The following RAB11B variants were observed in gnomAD, a reference collection of about 807,000 sequenced individuals.
The protein encoded by RAB11B is RAB11B, member RAS oncogene family, also known as ras-related protein Rab-11B.
RAB11B carries 7 observed loss-of-function variants against 23.7 expected under a neutral mutation model. That is an observed-to-expected ratio of 0.29 (90% CI 0.17 to 0.55). RAB11B has a LOEUF of 0.55. RAB11B is among the 20% of genes least tolerant of loss of function. The probability of loss-of-function intolerance (pLI) is 0.93; values close to 1 mark genes in which losing one functional copy is unlikely to be tolerated. For missense variants in RAB11B, 189 were observed against 320.0 expected (o/e 0.59, Z 3.12); for synonymous variants, 138 against 132.0 (o/e 1.05, Z -0.31).
At chr19:8,399,377 C>G (rs1275322900) in intron 1 of RAB11B, among the ~76,000 whole-genome samples, 1 of 152,346 alleles carries the variant, frequency 6.6e-6, no homozygotes, top group South Asian at 2.1e-4. Context: ...CGGGAGCCAC[C>G]GTGCCTGGCC....
chr19:8,403,052 G>T, intron 4 of RAB11B: 1 of 337,698 alleles, frequency 3.0e-6, no homozygotes, highest in Non-Finnish European at 5.5e-6. Flanking sequence ...ACCAGGTCTA[G>T]CCCTTGCTGG....
chr19:8,390,375 T>G lies in RAB11B; in HGVS notation c.-42T>G. 1.3e-6 allele frequency: 2 copies of G among 1,515,386 alleles called. No homozygotes were observed. The highest frequency in any genetic ancestry group is 1.8e-6 in the Non-Finnish European group (2 of 1,134,756). 93.9% of individuals were successfully genotyped at this position (1,515,386 alleles called of 1,614,324 possible). ...CTCCGCCCCCGTCGGGTGTTTGTGG[T>G]GGGGCTGCGGAGTCGCCGATCCCGC... On this transcript the variant is annotated 5_prime_UTR_variant, in exon 1 of 5. Transcript: ENST00000328024.
In RAB11B at chr19:8,403,568, C is replaced by T; in HGVS notation, c.*10C>T. The T allele has an allele frequency of 6.2e-7, 1 of 1,608,066 alleles. No homozygotes were observed. Among genetic ancestry groups the T allele is most frequent in the South Asian group, 1.1e-5 (1 of 90,724 alleles). On this transcript the variant is annotated 3_prime_UTR_variant, in exon 5 of 5. Transcript: ENST00000328024. ...CTGCCAGAACCTGTGACCCCTGCGCCTCCACCCAGCGTGCGTGCACGTCCT... is the reference window on the plus strand; with the variant it reads ...CTGCCAGAACCTGTGACCCCTGCGCTTCCACCCAGCGTGCGTGCACGTCCT...
chr19:8,402,296 G>A lies in RAB11B; in HGVS notation c.430+17G>A, dbSNP rs1342244354. The stretch of plus-strand genomic sequence containing the variant: ...CCTTCGCAGGTGAGCAGACGGAGAC[G>A]CAGGCATCAGAGAGGTGTCTGGAAG... On this transcript the variant is annotated intron_variant, in intron 3 of 4. Transcript: ENST00000328024. 1.9e-5 allele frequency: 30 copies of A among 1,546,130 alleles called. No individual in the cohort carries two copies. Among genetic ancestry groups the A allele is most frequent in the South Asian group, 7.1e-5 (6 of 84,290 alleles).
chr19:8,398,959 A>AT (rs34434022), intron 1 of RAB11B, among the ~76,000 whole-genome samples: 27 of 138,790 alleles, frequency 1.9e-4, no homozygotes, highest in South Asian at 4.6e-4. Context: ...TATTATTATT[A>AT]TTTTTTTTTT....
intron 1 of RAB11B, among the ~76,000 whole-genome samples, chr19:8,395,066 G>A (rs1204719910): frequency 2.0e-5 from 3 of 152,348 alleles, no homozygotes; most frequent in East Asian, 1.9e-4. Flanking sequence ...TCCTGAGGAC[G>A]TGAGAACTGA....
Position 8,402,480 on chromosome 19 carries a change from TC to T in RAB11B, c.431-3del. On this transcript the variant is annotated splice_polypyrimidine_tract_variant and splice_region_variant and intron_variant, in intron 3 of 4. Transcript: ENST00000328024. ...CACTCACCTAGGCAGTATTCTTTGT[TC>T]CAGAAAAGAACAACTTGTCCTTCAT... 2 of 1,612,848 alleles carry T rather than the reference TC, an allele frequency of 1.2e-6. No individual in the cohort carries two copies. Among genetic ancestry groups the T allele is most frequent in the Non-Finnish European group, 1.7e-6 (2 of 1,178,892 alleles).
intron 4 of RAB11B, chr19:8,402,912 C>T: frequency 2.2e-6 from 1 of 463,256 alleles, no homozygotes; most frequent in Non-Finnish European, 3.8e-6. Context: ...ATCCTCCTGC[C>T]TCAGCCTCCC....
intron 4 of RAB11B, 137 bp from the exon 5 acceptor site, chr19:8,403,274 CCT>C (rs1971452362): frequency 3.6e-6 from 4 of 1,119,752 alleles, no homozygotes; most frequent in Admixed American, 4.7e-5. Context: ...GTGCGCAGCC[CCT>C]GTCCTTGTTA....
In RAB11B at chr19:8,399,870, C is replaced by T. The variant is rs763719747; in HGVS notation, c.48C>T (p.Leu16=). 2.5e-6 allele frequency: 4 copies of T among 1,613,734 alleles called. No individual in the cohort carries two copies. Among genetic ancestry groups the T allele is most frequent in the East Asian group, 4.5e-5 (2 of 44,850 alleles). Residue 16 remains leucine, a synonymous_variant, in exon 2 of 5, where the codon CTC becomes CTT. Coordinates refer to ENST00000328024, the MANE Select transcript of RAB11B (RefSeq NM_004218.4). ...DEYDYLFKVV[L]IGDSGVGKSN... is the part of the protein sequence containing the mutation. ...CCTCGCCTTCCCGCCCAGTGGTGCT[C>T]ATCGGGGACTCAGGCGTGGGCAAGA...
At chr19:8,392,271 G>A (rs1410792619) in intron 1 of RAB11B, among the ~76,000 whole-genome samples, 2 of 152,162 alleles carry the variant, frequency 1.3e-5, no homozygotes, top group Non-Finnish European at 2.9e-5. Context: ...ACCCAGCTCC[G>A]AGTGCTTGCT....
At chr19:8,398,835 G>A (rs923728048) in intron 1 of RAB11B, among the ~76,000 whole-genome samples, 1 of 152,102 alleles carries the variant, frequency 6.6e-6, no homozygotes, top group Non-Finnish European at 1.5e-5. Flanking sequence ...AGGCTGGAGT[G>A]CAGTGATTCG....
At chr19:8,399,491 A>C (rs951774501) in intron 1 of RAB11B, among the ~76,000 whole-genome samples, 1 of 152,138 alleles carries the variant, frequency 6.6e-6, no homozygotes, top group African/African-American at 2.4e-5. Flanking sequence ...CCCGCTCAGG[A>C]GCCTTCTCAA....
At chr19:8,398,809 A>G (rs775369355) in intron 1 of RAB11B, among the ~76,000 whole-genome samples, 2 of 152,052 alleles carry the variant, frequency 1.3e-5, no homozygotes, top group Non-Finnish European at 2.9e-5. Flanking sequence ...GGGGGGAGAC[A>G]GAATCTCTGT....
chr19:8,401,633 C>T (rs1422597780), intron 2 of RAB11B, among the ~76,000 whole-genome samples: 1 of 152,152 alleles, frequency 6.6e-6, no homozygotes, highest in Non-Finnish European at 1.5e-5. Context: ...GATCCACCTG[C>T]CTCGGCTTCC....
chr19:8,402,048 T>G (rs1971441802), intron 2 of RAB11B, 38 bp from the exon 3 acceptor site: 2 of 1,528,958 alleles, frequency 1.3e-6, no homozygotes, highest in African/African-American at 2.7e-5. Context: ...TGCCCATGGT[T>G]GTCCTCCAGA....
intron 1 of RAB11B, among the ~76,000 whole-genome samples, chr19:8,398,993 C>CT (rs1770789788): frequency 6.6e-6 from 1 of 151,464 alleles, no homozygotes; most frequent in Admixed American, 6.6e-5. Flanking sequence ...CGCTCTGTCA[C>CT]CCAGGCTGGA....
chr19:8,393,132 A>G lies in RAB11B; in HGVS notation c.40+2676A>G, dbSNP rs1971371274. On this transcript the variant is annotated intron_variant, in intron 1 of 4. Transcript: ENST00000328024. ...GTTCTTTCCTTCCCCCAGGAATGAC[A>G]CTGTTGATTTGTACCTAATTATAGA... is the stretch of plus-strand genomic sequence containing the variant. Among the ~76,000 whole-genome samples the G allele has an allele frequency of 2.6e-5, 4 of 151,934 alleles. No individual in the cohort carries two copies. The South Asian group carries it at 6.2e-4, about 24-fold the overall frequency.
Position 8,402,275 on chromosome 19 carries a change from C to T in RAB11B, c.426C>T (p.Phe142=), listed in dbSNP as rs146353208. ...RAVPTDEARA[F]AEKNNLSFIE... ...TGCCCACTGACGAGGCCCGCGCCTT[C>T]GCAGGTGAGCAGACGGAGACGCAGG... The change falls in exon 3 of 5, where the codon TTC becomes TTT. Residue 142 remains phenylalanine (F), a synonymous_variant. Transcript: ENST00000328024. 51 of 1,554,304 alleles carry T rather than the reference C, an allele frequency of 3.3e-5. No homozygotes were observed. In the African/African-American group the frequency reaches 4.4e-4, roughly 13 times the overall value.
Sources: allele counts gnomAD v4.1 joint callset (sites outside exome capture counted in the v4.1 genomes callset), GRCh38; gene constraint gnomAD v4.1.1; transcripts MANE v1.5; gene names NCBI Gene and HGNC (gene_info 2026-07-23, HGNC 2026-07-21).